EDA: variants seen among roughly 807,000 people sequenced by gnomAD.
EDA encodes the protein ectodysplasin-A.
A neutral mutation model predicts 23.6 loss-of-function variants in EDA; 2 were observed. The ratio of observed to expected loss-of-function variants is 0.08; its 90% confidence interval spans 0.03 to 0.27. The LOEUF is 0.27. Ranked by LOEUF, EDA falls within the 10% of genes least tolerant of loss-of-function variation. EDA has a pLI of 1.00. For synonymous variants in EDA, 131 were observed against 132.0 expected (o/e 0.99, Z 0.05); for missense variants, 229 against 324.2 (o/e 0.71, Z 2.26).
intron 2 of EDA, among the ~76,000 whole-genome samples, chrX:69,973,790 A>C (rs1452611504): frequency 8.9e-6 from 1 of 111,891 alleles, no homozygotes; most frequent in Non-Finnish European, 1.9e-5. Flanking sequence ...AACTGTAGCA[A>C]CAGTTATGAA....
rs1306746688 is a variant in EDA, at chrX:69,729,422, A to G, written c.396+112718A>G. Among the ~76,000 whole-genome samples, 3 of 110,979 alleles carry G rather than the reference A, an allele frequency of 2.7e-5. No homozygotes were observed. The East Asian group carries it at 8.5e-4, about 31-fold the overall frequency. ...CCATAGCCAACCCCTTAGCCATTCT[A>G]TCAACTTAACATTCTATGTATATCC... On this transcript the variant is annotated intron_variant, in intron 1 of 7. Coordinates refer to ENST00000374552, the MANE Select transcript of EDA (RefSeq NM_001399.5).
chrX:69,698,905 TGAC>T (rs2011450344), intron 1 of EDA, among the ~76,000 whole-genome samples: 1 of 111,470 alleles, frequency 9.0e-6, no homozygotes, highest in Non-Finnish European at 1.9e-5. Context: ...AGAGTTTGTG[TGAC>T]GACATTTGCA....
intron 1 of EDA, among the ~76,000 whole-genome samples, chrX:69,630,573 T>C (rs964547475): frequency 1.8e-5 from 2 of 112,446 alleles, no homozygotes; most frequent in Admixed American, 9.4e-5. Flanking sequence ...CTTCCCTGTC[T>C]CCTTCGCACT....
chrX:69,785,629 C>T (rs1879210891), intron 1 of EDA, among the ~76,000 whole-genome samples: 1 of 110,236 alleles, frequency 9.1e-6, no homozygotes, highest in Non-Finnish European at 1.9e-5. Context: ...AGCCTTGCAT[C>T]CCAGGGTTGA....
At chrX:69,743,575 T>G (rs2013526167) in intron 1 of EDA, among the ~76,000 whole-genome samples, 1 of 111,767 alleles carries the variant, frequency 8.9e-6, no homozygotes, top group Non-Finnish European at 1.9e-5. Context: ...GCTGTTAGTG[T>G]CACACCATGA....
intron 1 of EDA, among the ~76,000 whole-genome samples, chrX:69,727,753 G>GT (rs1474928662): frequency 8.9e-6 from 1 of 111,882 alleles, no homozygotes; most frequent in Non-Finnish European, 1.9e-5. Flanking sequence ...TGTGTTGCTT[G>GT]TTTTTTCCTA....
intron 1 of EDA, among the ~76,000 whole-genome samples, chrX:69,907,065 G>C (rs896576303): frequency 2.7e-5 from 3 of 111,656 alleles, no homozygotes; most frequent in African/African-American, 9.8e-5. Context: ...GAAAGTGAGT[G>C]TGTCATACTA....
intron 1 of EDA, among the ~76,000 whole-genome samples, chrX:69,900,252 A>C: frequency 9.2e-6 from 1 of 108,410 alleles, no homozygotes; most frequent in Admixed American, 9.9e-5. Flanking sequence ...TCAAATCCAA[A>C]CTCTACTACT....
At chrX:69,843,736 T>TA (rs2016944652) in intron 1 of EDA, among the ~76,000 whole-genome samples, 1 of 111,415 alleles carries the variant, frequency 9.0e-6, no homozygotes, top group Non-Finnish European at 1.9e-5. Context: ...AAGACTTCAT[T>TA]AAATAGCCGG....
At chrX:69,761,094 G>C (rs1161284556) in intron 1 of EDA, among the ~76,000 whole-genome samples, 1 of 110,685 alleles carries the variant, frequency 9.0e-6, no homozygotes, top group Non-Finnish European at 1.9e-5. Flanking sequence ...TGGGCAACAA[G>C]GATATATAGA....
intron 1 of EDA, among the ~76,000 whole-genome samples, chrX:69,749,011 A>C (rs2013715388): frequency 9.7e-6 from 1 of 102,760 alleles, no homozygotes; most frequent in Non-Finnish European, 2.0e-5. Context: ...ATATGTATAC[A>C]TGTGCCATGC....
intron 1 of EDA, among the ~76,000 whole-genome samples, chrX:69,654,708 A>G (rs1173765140): frequency 1.9e-5 from 2 of 106,115 alleles, no homozygotes; most frequent in South Asian, 9.1e-4. Flanking sequence ...CAAAAAACCA[A>G]ACACTGCATG....
intron 1 of EDA, among the ~76,000 whole-genome samples, chrX:69,753,396 T>A (rs1344013607): frequency 3.6e-5 from 4 of 112,010 alleles, no homozygotes; most frequent in East Asian, 2.8e-4. Flanking sequence ...TTTGAGTGAG[T>A]TTCTTAATCC....
chrX:69,897,423 A>G (rs2018033769), intron 1 of EDA, among the ~76,000 whole-genome samples: 1 of 112,162 alleles, frequency 8.9e-6, no homozygotes, highest in Non-Finnish European at 1.9e-5. Context: ...GAGAAAAGGG[A>G]GAAACTTTGA....
chrX:69,791,499 C>A (rs2015403478), intron 1 of EDA, among the ~76,000 whole-genome samples: 1 of 111,385 alleles, frequency 9.0e-6, no homozygotes, highest in African/African-American at 3.3e-5. Context: ...TTCTTAATCA[C>A]CATAAGAGGG....
intron 1 of EDA, among the ~76,000 whole-genome samples, chrX:69,949,910 C>T (rs1569382599): frequency 9.1e-6 from 1 of 110,403 alleles, no homozygotes; most frequent in African/African-American, 3.3e-5. Context: ...AAATTGGATC[C>T]CTTCCTTACA....
At chrX:69,923,104 A>G (rs773589627) in intron 1 of EDA, among the ~76,000 whole-genome samples, 1 of 111,392 alleles carries the variant, frequency 9.0e-6, no homozygotes, top group South Asian at 3.8e-4. Context: ...TCCTATTCCA[A>G]TGTGACTAGC....
intron 1 of EDA, among the ~76,000 whole-genome samples, chrX:69,949,809 C>T (rs1013546985): frequency 3.6e-5 from 4 of 111,738 alleles, no homozygotes; most frequent in African/African-American, 9.8e-5. Context: ...TGGCTCCTAC[C>T]TTGTGAATGG....
intron 1 of EDA, among the ~76,000 whole-genome samples, chrX:69,865,891 T>C (rs1332045887): frequency 8.9e-6 from 1 of 112,527 alleles, no homozygotes; most frequent in African/African-American, 3.2e-5. Context: ...AAGTCTTACG[T>C]CACATGATAA....
Sources: allele counts gnomAD v4.1 joint callset (sites outside exome capture counted in the v4.1 genomes callset), GRCh38; gene constraint gnomAD v4.1.1; transcripts MANE v1.5; gene names NCBI Gene and HGNC (gene_info 2026-07-23, HGNC 2026-07-21).